Variants in CLTRN observed in about 807,000 individuals in gnomAD.
CLTRN encodes collectrin, amino acid transport regulator, also known as collectrin.
A neutral mutation model predicts 14.5 loss-of-function variants in CLTRN; 12 were observed. The observed-to-expected ratio is 0.83, with a 90% CI of 0.53 to 1.34. CLTRN has a LOEUF of 1.34. CLTRN is among the 40% of genes most tolerant of loss of function. The probability of loss-of-function intolerance (pLI) is 0.00; values close to 1 mark genes in which losing one functional copy is unlikely to be tolerated. For missense variants in CLTRN, 154 were observed against 165.1 expected (o/e 0.93, Z 0.37); for synonymous variants, 58 against 56.5 (o/e 1.03, Z -0.12).
intron 5 of CLTRN, among the ~76,000 whole-genome samples, chrX:15,630,692 A>G (rs1206579454): frequency 8.9e-6 from 1 of 111,900 alleles, no homozygotes; most frequent in Non-Finnish European, 1.9e-5. Flanking sequence ...GAAAGTCAGG[A>G]GTTGTGGTCC....
At chrX:15,665,929 C>T (rs1295602880), upstream of CLTRN, among the ~76,000 whole-genome samples, 2 of 111,467 alleles carry the variant, frequency 1.8e-5, no homozygotes, top group Admixed American at 1.9e-4. Context: ...ACACTTGAAC[C>T]CTGTCTCCAC....
intron 4 of CLTRN, among the ~76,000 whole-genome samples, chrX:15,642,714 G>A (rs1928969779): frequency 8.9e-6 from 1 of 111,803 alleles, no homozygotes; most frequent in East Asian, 2.8e-4. Flanking sequence ...TCTCTTTCTA[G>A]CATGGTGGCC....
intron 4 of CLTRN, among the ~76,000 whole-genome samples, chrX:15,642,258 C>T (rs1239805734): frequency 8.9e-6 from 1 of 111,905 alleles, no homozygotes; most frequent in African/African-American, 3.3e-5. Context: ...TCTGCTCCAC[C>T]ACTGGAATCA....
In CLTRN at chrX:15,634,942, A is replaced by AAAT. The variant is rs1928783583; in HGVS notation, c.512+4619_512+4620insATT. Among the ~76,000 whole-genome samples the AAAT allele has an allele frequency of 4.7e-5, 5 of 107,229 alleles. No individual in the cohort carries two copies. In the East Asian group the frequency reaches 9.0e-4, roughly 19 times the overall value. The allele number at this position is 107,229 out of a possible 115,157, so 93.1% of individuals were successfully genotyped here. The stretch of plus-strand genomic sequence containing the variant: ...AAAACTTAAATTATAATAATAATAA[A>AAAT]AAATAAATAAATAAATAAATAAATA... On this transcript the variant is annotated intron_variant, in intron 5 of 5. Transcript: ENST00000380342.
chrX:15,628,350 T>C (rs1569247507), intron 5 of CLTRN, among the ~76,000 whole-genome samples: 1 of 112,157 alleles, frequency 8.9e-6, no homozygotes, highest in Non-Finnish European at 1.9e-5. Flanking sequence ...AGATGACATA[T>C]ACATAGTGAT....
upstream of CLTRN, among the ~76,000 whole-genome samples, chrX:15,666,949 C>T (rs1929631825): frequency 8.9e-6 from 1 of 112,578 alleles, no homozygotes; most frequent in Admixed American, 9.4e-5. Context: ...TAGAAATCTG[C>T]TTCAGCGGCT....
chrX:15,636,558 T>C (rs1928823611), intron 5 of CLTRN, among the ~76,000 whole-genome samples: 1 of 111,907 alleles, frequency 8.9e-6, no homozygotes, highest in Non-Finnish European at 1.9e-5. Flanking sequence ...TATACAACTT[T>C]TATTTGTTAA....
chrX:15,667,341 A>G (rs1929641479), upstream of CLTRN, among the ~76,000 whole-genome samples: 2 of 112,610 alleles, frequency 1.8e-5, no homozygotes, highest in African/African-American at 6.5e-5. Context: ...TTTGGCTTTT[A>G]CTTAGTCATT....
chrX:15,644,816 T>C (rs1389555321), intron 4 of CLTRN, 100 bp downstream of exon 4: 2 of 495,967 alleles, frequency 4.0e-6, no homozygotes, highest in East Asian at 3.7e-5. Flanking sequence ...AAATAATTCA[T>C]GTATGAAACA....
chrX:15,644,938 C>T lies in CLTRN; in HGVS notation c.295G>A (p.Val99Ile). 1 of 1,203,661 alleles carries T rather than the reference C, an allele frequency of 8.3e-7. No homozygotes were observed. The highest frequency in any genetic ancestry group is 1.1e-6 in the Non-Finnish European group (1 of 891,034). ...TACCTTATGGCTGATTGCACCTCAA[C>T]AGCAGGAAGGGTGTGATTTTTTGAA... is the stretch of plus-strand genomic sequence containing the variant. ...DPSKNHTLPAVEVQSAIRMNK... is the reference protein window; with the variant it reads ...DPSKNHTLPAIEVQSAIRMNK... The change falls in exon 4 of 6, where the codon GTT becomes ATT. Residue 99 changes from valine (V) to isoleucine (I), a missense_variant. Val to Ile is a conservative substitution (Grantham distance 29). Coordinates refer to ENST00000380342, the MANE Select transcript of CLTRN (RefSeq NM_020665.6).
Position 15,659,014 on chromosome X carries a change from ACTCTGTTGCTT to A in CLTRN, c.194_203+1del, listed in dbSNP as rs1929438186. On this transcript the variant is annotated splice_donor_variant and coding_sequence_variant, in exon 3 of 6. Coordinates refer to ENST00000380342, the MANE Select transcript of CLTRN (RefSeq NM_020665.6). LOFTEE classifies it high-confidence loss of function. ...AGTTAAGATTTCTCATTATTTGCTT[ACTCTGTTGCTT>A]CTCTGTTGGGAACTTTTCTCATGGA... is the stretch of plus-strand genomic sequence containing the variant. The A allele has an allele frequency of 9.0e-7, 1 of 1,110,753 alleles. No individual in the cohort carries two copies. The highest frequency in any genetic ancestry group is 1.8e-5 in the African/African-American group (1 of 54,880). 91.5% of individuals were successfully genotyped at this position (1,110,753 alleles called of 1,213,427 possible).
At chrX:15,645,668 T>C (rs1405610564) in intron 3 of CLTRN, among the ~76,000 whole-genome samples, 2 of 112,548 alleles carry the variant, frequency 1.8e-5, no homozygotes, top group East Asian at 5.5e-4. Context: ...TACAGACTTT[T>C]CAACTGCAAA....
chrX:15,657,668 A>G (rs1382185838), intron 3 of CLTRN, among the ~76,000 whole-genome samples: 1 of 110,693 alleles, frequency 9.0e-6, no homozygotes, highest in African/African-American at 3.3e-5. Context: ...TTGTAATGTA[A>G]TCACCTTATT....
intron 4 of CLTRN, among the ~76,000 whole-genome samples, chrX:15,643,306 G>A (rs1193106375): frequency 9.0e-6 from 1 of 111,524 alleles, no homozygotes; most frequent in Non-Finnish European, 1.9e-5. Flanking sequence ...TTCCTTTGTT[G>A]TATAGTTTCC....
chrX:15,659,885 A>G (rs1486829668), intron 2 of CLTRN, among the ~76,000 whole-genome samples: 1 of 112,205 alleles, frequency 8.9e-6, no homozygotes, highest in Non-Finnish European at 1.9e-5. Context: ...TAAGGCACCC[A>G]GTCTGTGTTA....
intron 2 of CLTRN, among the ~76,000 whole-genome samples, chrX:15,660,281 G>A (rs1026228585): frequency 9.0e-6 from 1 of 111,696 alleles, no homozygotes; most frequent in Non-Finnish European, 1.9e-5. Flanking sequence ...TGACTGTGCT[G>A]TACTTTTTCC....
upstream of CLTRN, among the ~76,000 whole-genome samples, chrX:15,668,697 T>C (rs1459050548): frequency 8.9e-6 from 1 of 111,744 alleles, no homozygotes; most frequent in African/African-American, 3.3e-5. Flanking sequence ...TCTAACATTG[T>C]CTATGTTTAG....
chrX:15,664,640 T>C, intron 1 of CLTRN, 78 bp downstream of exon 1: 2 of 965,441 alleles, frequency 2.1e-6, no homozygotes, highest in Non-Finnish European at 2.9e-6. Flanking sequence ...TTTAGAAAAA[T>C]AAAGAGTTCT....
At chrX:15,628,931 A>G (rs1453998857) in intron 5 of CLTRN, among the ~76,000 whole-genome samples, 2 of 112,040 alleles carry the variant, frequency 1.8e-5, no homozygotes, top group African/African-American at 3.2e-5. Flanking sequence ...TGTGGAAAAC[A>G]GTAGACTCAA....
Sources: gnomAD v4.1 joint callset for allele counts (sites outside exome capture counted in the v4.1 genomes callset) on GRCh38, gnomAD v4.1.1 for gene constraint, MANE v1.5 for transcripts, NCBI Gene and HGNC (gene_info 2026-07-23, HGNC 2026-07-21) for gene names.